BCL2A1: variants seen among roughly 807,000 people sequenced by gnomAD.
BCL2A1 encodes bcl-2-related protein A1.
In BCL2A1, 10 loss-of-function variants were observed where a neutral mutation model predicts 14.4. The observed-to-expected ratio is 0.69, with a 90% confidence interval of 0.43 to 1.18. The LOEUF is 1.18. Among genes scored for constraint, BCL2A1 ranks in the 50% most tolerant of loss-of-function variants. The pLI is 0.00. For missense variants in BCL2A1, 158 were observed against 205.0 expected, an observed-to-expected ratio of 0.77 and a Z score of 1.40; for synonymous variants, 71 against 76.5, an observed-to-expected ratio of 0.93 and a Z score of 0.38.
At position 79,970,958 on chromosome 15, in the gene BCL2A1, T is replaced by C. The variant is rs1275904786; in HGVS notation, c.162A>G (p.Ser54=). The C allele has an allele frequency of 4.3e-6, 7 of 1,614,138 alleles. No homozygotes were observed. The highest frequency in any genetic ancestry group is 5.9e-6 in the Non-Finnish European group (7 of 1,180,044). ...VQKEVEKNLK[S]CLDNVNVVSV... is the part of the protein sequence containing the mutation. ...ACACAACATTAACATTGTCCAAGCATGACTTCAGATTCTTTTCCACTTCTT... is the reference window on the plus strand; with the variant it reads ...ACACAACATTAACATTGTCCAAGCACGACTTCAGATTCTTTTCCACTTCTT... The change falls in exon 1 of 2, where the codon TCA becomes TCG. Residue 54 remains serine (S), a synonymous_variant. Transcript: ENST00000267953.
intron 1 of BCL2A1, among the ~76,000 whole-genome samples, chr15:79,963,200 GGATAGTCTC>G (rs2035507472): frequency 1.3e-5 from 2 of 151,908 alleles, no homozygotes; most frequent in South Asian, 4.1e-4. Context: ...ATGTTGGCCA[GGATAGTCTC>G]GATCTCTTGA....
At chr15:79,966,111 A>G (rs1309576277) in intron 1 of BCL2A1, among the ~76,000 whole-genome samples, 6 of 152,102 alleles carry the variant, frequency 3.9e-5, no homozygotes, top group African/African-American at 1.2e-4. Context: ...ATTTCCCACG[A>G]CTCTCGTAGT....
chr15:79,965,535 G>T (rs1051187939), intron 1 of BCL2A1, among the ~76,000 whole-genome samples: 13 of 152,150 alleles, frequency 8.5e-5, no homozygotes, highest in Non-Finnish European at 1.5e-4. Flanking sequence ...AGTCAAGTGA[G>T]AGAGGAAGGC....
chr15:79,963,728 C>G (rs2035512104), intron 1 of BCL2A1, among the ~76,000 whole-genome samples: 1 of 152,086 alleles, frequency 6.6e-6, no homozygotes, highest in African/African-American at 2.4e-5. Context: ...ATGAGGCAGT[C>G]TTCTAAAATA....
At chr15:79,968,513 T>G (rs1396308167) in intron 1 of BCL2A1, among the ~76,000 whole-genome samples, 1 of 152,228 alleles carries the variant, frequency 6.6e-6, no homozygotes. Flanking sequence ...CAGGAAGGCC[T>G]TAAACAAAAT....
Position 79,971,051 on chromosome 15 carries a change from T to C in BCL2A1, c.69A>G (p.Ile23Met). 6.2e-7 allele frequency: 1 copy of C among 1,614,226 alleles called. No homozygotes were observed. Among genetic ancestry groups the C allele is most frequent in the African/African-American group, 1.3e-5 (1 of 75,078 alleles). Residue 23 changes from isoleucine to methionine, a missense_variant, in exon 1 of 2, where the codon ATA becomes ATG. By Grantham distance (10) the Ile-to-Met change is conservative (BLOSUM62 1). Coordinates refer to ENST00000267953, the MANE Select transcript of BCL2A1 (RefSeq NM_004049.4). Reference sequence around the variant, plus strand: ...TGCTTGGACCTGATCCAGGTTGTGGTATCTGTAGGACGCACTGCAGATAGT... The same window carrying C: ...TGCTTGGACCTGATCCAGGTTGTGGCATCTGTAGGACGCACTGCAGATAGT... ...AQDYLQCVLQIPQPGSGPSKT... is the reference protein window; with the variant it reads ...AQDYLQCVLQMPQPGSGPSKT...
intron 1 of BCL2A1, among the ~76,000 whole-genome samples, chr15:79,963,953 AAT>A (rs2035514253): frequency 6.6e-6 from 1 of 152,220 alleles, no homozygotes; most frequent in Non-Finnish European, 1.5e-5. Flanking sequence ...AAATATCTAC[AAT>A]ATGTCACAGG....
chr15:79,963,017 T>C (rs1346472622), intron 1 of BCL2A1, among the ~76,000 whole-genome samples: 6 of 152,084 alleles, frequency 3.9e-5, no homozygotes, highest in East Asian at 3.9e-4. Context: ...AGTCTTGCTC[T>C]GCCACCCAGG....
chr15:79,965,960 G>GAAA (rs398057861), intron 1 of BCL2A1, among the ~76,000 whole-genome samples: 1 of 93,576 alleles, frequency 1.1e-5, no homozygotes. Context: ...GGATGACAAA[G>GAAA]AAAAAAAAAA....
chr15:79,964,496 G>T (rs1451623237), intron 1 of BCL2A1, among the ~76,000 whole-genome samples: 3 of 151,868 alleles, frequency 2.0e-5, no homozygotes, highest in East Asian at 3.9e-4. Context: ...CAAAATACAC[G>T]CAAACACCAT....
In BCL2A1 at chr15:79,970,830, C is replaced by G. The variant is rs2035586510; in HGVS notation, c.290G>C (p.Gly97Ala). 1.2e-6 allele frequency: 2 copies of G among 1,614,218 alleles called. No individual in the cohort carries two copies. The highest frequency in any genetic ancestry group is 1.7e-6 in the Non-Finnish European group (2 of 1,180,044). ...TCGTAGAAGTTTCTTGATGAGAATA[C>G]CTTCAAATGCAAATATGGTTACAAT... is the stretch of plus-strand genomic sequence containing the variant. ...GRIVTIFAFE[G>A]ILIKKLLRQQ... The change falls in exon 1 of 2, where the codon GGT becomes GCT. Residue 97 changes from glycine (G) to alanine (A), a missense_variant. Physicochemically the swap from Gly to Ala is moderately conservative, Grantham distance 60 (BLOSUM62 0). Coordinates refer to ENST00000267953, the MANE Select transcript of BCL2A1 (RefSeq NM_004049.4).
intron 1 of BCL2A1, among the ~76,000 whole-genome samples, chr15:79,964,094 T>C (rs1160020759): frequency 2.0e-5 from 3 of 152,190 alleles, no homozygotes; most frequent in African/African-American, 7.2e-5. Context: ...AATGATGCTA[T>C]TTGTATCTTA....
At chr15:79,963,506 T>C (rs142000962) in intron 1 of BCL2A1, among the ~76,000 whole-genome samples, 2 of 152,302 alleles carry the variant, frequency 1.3e-5, no homozygotes, top group East Asian at 3.9e-4. Context: ...AACACAGTCT[T>C]ATTGTTTTTT....
At position 79,960,892 on chromosome 15, in the gene BCL2A1, TAG is replaced by T. The variant is rs1596124091; in HGVS notation, c.*173_*174del. The T allele has an allele frequency of 3.0e-5, 32 of 1,070,382 alleles. No homozygotes were observed. In the East Asian group the frequency reaches 7.8e-4, roughly 26 times the overall value. The allele number at this position is 1,070,382 out of a possible 1,614,324, so 66.3% of individuals were successfully genotyped here. A position where few individuals can be genotyped will look rare whatever the true frequency, so the allele number is the denominator to read the frequency against. ...CAAGAAATTAAGACAAAATGGCATA[TAG>T]AGAAAAATACATACAATTTATTCAT... On this transcript the variant is annotated 3_prime_UTR_variant, in exon 2 of 2. Transcript: ENST00000267953.
At position 79,971,055 on chromosome 15, in the gene BCL2A1, T is replaced by C. The variant is rs199684962; in HGVS notation, c.65A>G (p.Gln22Arg). 8.1e-6 allele frequency: 13 copies of C among 1,614,222 alleles called. No individual in the cohort carries two copies. Among genetic ancestry groups the C allele is most frequent in the Non-Finnish European group, 1.1e-5 (13 of 1,180,020 alleles). Residue 22 changes from glutamine (Q) to arginine (R), a missense_variant, in exon 1 of 2, where the codon CAG becomes CGG. Physicochemically the swap from Gln to Arg is conservative, Grantham distance 43. Coordinates refer to ENST00000267953, the MANE Select transcript of BCL2A1 (RefSeq NM_004049.4). ...LAQDYLQCVL[Q>R]IPQPGSGPSK... ...TGGACCTGATCCAGGTTGTGGTATC[T>C]GTAGGACGCACTGCAGATAGTCCTG...
intron 1 of BCL2A1, among the ~76,000 whole-genome samples, chr15:79,964,343 C>T (rs2035517837): frequency 6.6e-6 from 1 of 152,136 alleles, no homozygotes; most frequent in Admixed American, 6.5e-5. Flanking sequence ...GTGACTCAAG[C>T]CTGTAATCCT....
At chr15:79,961,747 G>T (rs950870569) in intron 1 of BCL2A1, among the ~76,000 whole-genome samples, 1 of 152,126 alleles carries the variant, frequency 6.6e-6, no homozygotes, top group African/African-American at 2.4e-5. Flanking sequence ...CTATGAAAAG[G>T]TTGATAGTTT....
chr15:79,970,998 G>A lies in BCL2A1; in HGVS notation c.122C>T (p.Ala41Val), dbSNP rs199751349. The change falls in exon 1 of 2, where the codon GCG (alanine) becomes GTG (valine). Residue 41 changes from alanine to valine, a missense_variant. Physicochemically the swap from Ala to Val is moderately conservative, Grantham distance 64. Transcript: ENST00000267953. ...SKTSRVLQNV[A>V]FSVQKEVEKN... Reference sequence around the variant, plus strand: ...TTCCACTTCTTTTTGGACTGAGAACGCAACATTTTGTAGCACTCTGGACGT... The same window carrying A: ...TTCCACTTCTTTTTGGACTGAGAACACAACATTTTGTAGCACTCTGGACGT... The A allele has an allele frequency of 3.5e-5, 57 of 1,614,062 alleles. No homozygotes were observed. Among genetic ancestry groups the A allele is most frequent in the Middle Eastern group, 1.6e-4 (1 of 6,084 alleles).
chr15:79,970,678 A>C (rs781519130), intron 1 of BCL2A1, 22 bp downstream of exon 1: 12 of 1,563,702 alleles, frequency 7.7e-6, no homozygotes, highest in Non-Finnish European at 8.7e-6. Context: ...AGAACAATGA[A>C]GAATTTTTCC....
Sources: allele counts gnomAD v4.1 joint callset (sites outside exome capture counted in the v4.1 genomes callset), GRCh38; gene constraint gnomAD v4.1.1; transcripts MANE v1.5; gene names NCBI Gene and HGNC (gene_info 2026-07-23, HGNC 2026-07-21).